Variants in PDE10A observed in about 807,000 individuals in gnomAD.
The protein encoded by PDE10A is phosphodiesterase 10A.
In PDE10A, 39 loss-of-function variants were observed where a neutral mutation model predicts 97.7. The observed-to-expected ratio is 0.40, with a 90% CI of 0.31 to 0.52. The LOEUF (loss-of-function observed/expected upper bound fraction) is 0.52, where lower values mean the gene tolerates loss of function less well. Ranked by LOEUF, PDE10A falls within the 20% of genes least tolerant of loss-of-function variation. PDE10A has a pLI of 0.56. For synonymous variants in PDE10A, 371 were observed against 376.8 expected (o/e 0.98, Z 0.18); for missense variants, 731 against 1,047.8 (o/e 0.70, Z 4.17).
intron 1 of PDE10A, among the ~76,000 whole-genome samples, chr6:165,802,851 G>A (rs1264578283): frequency 2.6e-5 from 4 of 152,124 alleles, no homozygotes; most frequent in African/African-American, 9.7e-5. Flanking sequence ...ATTCCTGATC[G>A]CATGGTTTTC....
At chr6:165,643,363 G>A (rs1228863989) in intron 1 of PDE10A, among the ~76,000 whole-genome samples, 1 of 152,088 alleles carries the variant, frequency 6.6e-6, no homozygotes, top group Non-Finnish European at 1.5e-5. Flanking sequence ...CTGACTTAGT[G>A]AAATAAAGAG....
chr6:165,430,429 T>G (rs1221007560), intron 8 of PDE10A, 84 bp from the exon 9 acceptor site: 8 of 819,764 alleles, frequency 9.8e-6, no homozygotes, highest in Admixed American at 2.3e-5. Context: ...TTACCTTATT[T>G]ATTGAAAGAA....
intron 3 of PDE10A, among the ~76,000 whole-genome samples, chr6:165,476,796 C>T (rs1389486861): frequency 1.3e-5 from 2 of 152,124 alleles, no homozygotes; most frequent in Non-Finnish European, 2.9e-5. Flanking sequence ...TCTCAGATTT[C>T]TCCTTGAAAA....
chr6:165,885,671 G>C (rs2128481212), intron 1 of PDE10A, among the ~76,000 whole-genome samples: 1 of 152,358 alleles, frequency 6.6e-6, no homozygotes, highest in Non-Finnish European at 1.5e-5. Context: ...GTGGGAGAGG[G>C]AAGGCCTGGT....
Position 165,474,125 on chromosome 6 carries a change from T to G in PDE10A, c.1023+8190A>C, listed in dbSNP as rs923312596. ...TTTGGGGGAATGTCTTTTATAGAGT[T>G]CTCTCTTACTTTCTGAGAGGGGATA... On this transcript the variant is annotated intron_variant, in intron 3 of 21. Transcript: ENST00000539869. Among the ~76,000 whole-genome samples the G allele has an allele frequency of 6.6e-5, 10 of 152,178 alleles. 1 individual carries two copies. The South Asian group carries it at 2.1e-3, about 32-fold the overall frequency.
chr6:165,683,018 T>C (rs1791019133), intron 1 of PDE10A, among the ~76,000 whole-genome samples: 1 of 152,352 alleles, frequency 6.6e-6, no homozygotes, highest in Non-Finnish European at 1.5e-5. Context: ...AAAGTGCGTG[T>C]GGGCAGAGGC....
intron 1 of PDE10A, among the ~76,000 whole-genome samples, chr6:165,936,186 A>G (rs145766234): frequency 1.4e-4 from 21 of 152,326 alleles, no homozygotes; most frequent in African/African-American, 5.1e-4. Flanking sequence ...CAGTCCTTGT[A>G]CACTGAGCCT....
intron 2 of PDE10A, among the ~76,000 whole-genome samples, chr6:165,525,135 C>T (rs1782356193): frequency 6.6e-6 from 1 of 152,096 alleles, no homozygotes; most frequent in East Asian, 1.9e-4. Context: ...CCCGGCGAGC[C>T]CCTAGAGGTA....
chr6:165,592,562 G>A (rs1276813120), intron 1 of PDE10A, among the ~76,000 whole-genome samples: 1 of 151,954 alleles, frequency 6.6e-6, no homozygotes, highest in Admixed American at 6.6e-5. Context: ...TCTGACAAAG[G>A]GCTAATATCC....
At chr6:165,535,213 G>A (rs958020607) in intron 2 of PDE10A, among the ~76,000 whole-genome samples, 4 of 151,308 alleles carry the variant, frequency 2.6e-5, no homozygotes, top group African/African-American at 7.3e-5. Flanking sequence ...AAGAAACCCC[G>A]GGAATCTGCC....
chr6:165,639,887 G>C (rs750893503), intron 1 of PDE10A, among the ~76,000 whole-genome samples: 3 of 152,044 alleles, frequency 2.0e-5, no homozygotes, highest in Non-Finnish European at 2.9e-5. Flanking sequence ...GGGCAACATA[G>C]GGAGACCTTG....
At chr6:165,701,930 A>G (rs1046820147) in intron 1 of PDE10A, among the ~76,000 whole-genome samples, 1 of 152,196 alleles carries the variant, frequency 6.6e-6, no homozygotes, top group Non-Finnish European at 1.5e-5. Flanking sequence ...CAACAGGCAG[A>G]GGAACACTCC....
At chr6:165,536,033 A>G (rs753800772) in intron 2 of PDE10A, among the ~76,000 whole-genome samples, 42 of 152,106 alleles carry the variant, frequency 2.8e-4, no homozygotes, top group Admixed American at 6.6e-4. Context: ...AAAGGAACAA[A>G]GCTGGTGACA....
intron 1 of PDE10A, among the ~76,000 whole-genome samples, chr6:165,836,646 A>G (rs1220486171): frequency 6.6e-6 from 1 of 152,200 alleles, no homozygotes; most frequent in Admixed American, 6.5e-5. Context: ...ATATCTGGGG[A>G]CCAAGCTGAG....
chr6:165,478,739 T>C (rs910929077), intron 3 of PDE10A, among the ~76,000 whole-genome samples: 7 of 152,218 alleles, frequency 4.6e-5, no homozygotes, highest in Non-Finnish European at 1.0e-4. Flanking sequence ...TTCTGGTAGC[T>C]GTCTGGTCTG....
At chr6:165,698,498 TA>T (rs1460100493) in intron 1 of PDE10A, among the ~76,000 whole-genome samples, 2 of 151,756 alleles carry the variant, frequency 1.3e-5, no homozygotes, top group Non-Finnish European at 2.9e-5. Context: ...ATCAGACAAA[TA>T]AAAAAATAGA....
chr6:165,363,826 C>A lies in PDE10A; in HGVS notation c.2783+15368G>T, dbSNP rs1783589774. ...AGTAATAAATTTAACAATAGAAGTA[C>A]AAAATATGGACTTGAAAACTAGAAA... On this transcript the variant is annotated intron_variant, in intron 18 of 21. Transcript: ENST00000539869. Among the ~76,000 whole-genome samples, 3 of 152,104 alleles carry A rather than the reference C, an allele frequency of 2.0e-5. 1 individual carries two copies. In the South Asian group the frequency reaches 6.2e-4, roughly 32 times the overall value.
Position 165,908,292 on chromosome 6 carries a change from GC to G in PDE10A, c.-615+79236del, listed in dbSNP as rs375448720. On this transcript the variant is annotated intron_variant, in intron 1 of 19. Transcript: ENST00000366882. Reference sequence around the variant, plus strand: ...CTGGGAAGGCTGGGTCTTGTGTTTTGCTTTGTTTCTTCTTAGAGAACGAGAA... The same window carrying G: ...CTGGGAAGGCTGGGTCTTGTGTTTTGTTTGTTTCTTCTTAGAGAACGAGAA... Among the ~76,000 whole-genome samples, 5 of 152,300 alleles carry G rather than the reference GC, an allele frequency of 3.3e-5. No individual in the cohort carries two copies. In the South Asian group the frequency reaches 1.0e-3, roughly 32 times the overall value.
At chr6:165,890,020 C>CTT (rs1781745807) in intron 1 of PDE10A, among the ~76,000 whole-genome samples, 1 of 127,294 alleles carries the variant, frequency 7.9e-6, no homozygotes, top group Non-Finnish European at 1.7e-5. Context: ...CTCACTCCCT[C>CTT]CCTCCTCCCT....
Sources: gnomAD v4.1 joint callset for allele counts (sites outside exome capture counted in the v4.1 genomes callset) on GRCh38, gnomAD v4.1.1 for gene constraint, MANE v1.5 for transcripts, NCBI Gene and HGNC (gene_info 2026-07-23, HGNC 2026-07-21) for gene names.